Variants in GNB4 observed in about 807,000 individuals in gnomAD.
GNB4 encodes G protein subunit beta 4.
A neutral mutation model predicts 45.2 loss-of-function variants in GNB4; 28 were observed. That is an observed-to-expected ratio of 0.62 (90% CI 0.46 to 0.85). GNB4 has a LOEUF of 0.85. GNB4 is among the 40% of genes least tolerant of loss of function. The pLI is 0.00. For missense variants in GNB4, 321 were observed against 425.4 expected (o/e 0.75, Z 2.16); for synonymous variants, 132 against 143.7 (o/e 0.92, Z 0.58).
At position 179,415,057 on chromosome 3, in the gene GNB4, ACACAC is replaced by A. The variant is rs1359084345; in HGVS notation, c.268-15_268-11del. On this transcript the variant is annotated splice_polypyrimidine_tract_variant and intron_variant, in intron 5 of 9. Transcript: ENST00000232564. ...AAGGAATAGCATGCATCTGTAGGGC[ACACAC>A]CACACATCACTCAGATTACAAAAAC... is the stretch of plus-strand genomic sequence containing the variant. 2.6e-6 allele frequency: 4 copies of A among 1,553,116 alleles called. No individual in the cohort carries two copies. In the African/African-American group the frequency reaches 4.0e-5, roughly 16 times the overall value.
In GNB4 at chr3:179,400,184, A is replaced by G. The variant is rs1714244916; in HGVS notation, c.*1029T>C. On this transcript the variant is annotated 3_prime_UTR_variant, in exon 10 of 10. Transcript: ENST00000232564. ...GCACAGATATTTCACATCAATTCAG[A>G]TTTTATAGTATGCAAACATGAAATA... 6.6e-6 allele frequency: 1 copy of G among 152,218 alleles called. No individual in the cohort carries two copies. Among genetic ancestry groups the G allele is most frequent in the Non-Finnish European group, 1.5e-5 (1 of 68,038 alleles). The allele number at this position is 152,218 out of a possible 1,614,324, so 9.4% of individuals were successfully genotyped here.
rs1715872086 is a variant in GNB4, at chr3:179,451,439, A to G, written c.-136T>C. Reference sequence around the variant, plus strand: ...AGCGCGGAGCCGGCGTGGAGAGCGCAGCTCACAGCCGAGACCAGAGCCGCC... The same window carrying G: ...AGCGCGGAGCCGGCGTGGAGAGCGCGGCTCACAGCCGAGACCAGAGCCGCC... On this transcript the variant is annotated 5_prime_UTR_variant, in exon 1 of 10. Transcript: ENST00000232564. 6.6e-6 allele frequency: 1 copy of G among 151,010 alleles called. No homozygotes were observed. The highest frequency in any genetic ancestry group is 2.4e-5 in the African/African-American group (1 of 41,284). 9.4% of individuals were successfully genotyped at this position (151,010 alleles called of 1,614,324 possible).
chr3:179,435,823 C>T (rs1018436020), intron 1 of GNB4, among the ~76,000 whole-genome samples: 12 of 152,162 alleles, frequency 7.9e-5, no homozygotes, highest in African/African-American at 2.7e-4. Context: ...TCAAAAGATA[C>T]TAATGAGCCA....
At chr3:179,429,829 G>A (rs1251052553) in intron 1 of GNB4, among the ~76,000 whole-genome samples, 1 of 152,150 alleles carries the variant, frequency 6.6e-6, no homozygotes, top group Non-Finnish European at 1.5e-5. Flanking sequence ...TGGCAACCCT[G>A]CACAGCTTTG....
intron 1 of GNB4, among the ~76,000 whole-genome samples, chr3:179,440,579 T>C (rs144556543): frequency 1.6e-4 from 25 of 152,306 alleles, no homozygotes; most frequent in African/African-American, 5.5e-4. Flanking sequence ...TCAGTCGATA[T>C]AGGCACAAAT....
intron 1 of GNB4, among the ~76,000 whole-genome samples, chr3:179,438,495 T>C (rs1715517561): frequency 6.6e-6 from 1 of 152,164 alleles, no homozygotes; most frequent in African/African-American, 2.4e-5. Context: ...GCAAGGGAAA[T>C]ATATGAAGAA....
upstream of GNB4, among the ~76,000 whole-genome samples, chr3:179,455,895 C>G (rs1715969193): frequency 6.6e-6 from 1 of 152,122 alleles, no homozygotes; most frequent in South Asian, 2.1e-4. Context: ...GGTGTGTGGG[C>G]AGAAACTTCA....
At chr3:179,414,471 T>A (rs893222413) in intron 6 of GNB4, among the ~76,000 whole-genome samples, 1 of 152,186 alleles carries the variant, frequency 6.6e-6, no homozygotes. Flanking sequence ...TGAACTATGA[T>A]GGGCACACTG....
the GNB4 span, among the ~76,000 whole-genome samples, chr3:179,491,607 C>T: frequency 4.1e-4 from 62 of 152,322 alleles, no homozygotes; most frequent in East Asian, 1.4e-3. Context: ...GGACCCCAAG[C>T]TGACTGAAGC....
the GNB4 span, among the ~76,000 whole-genome samples, chr3:179,480,821 A>G: frequency 6.6e-6 from 1 of 150,382 alleles, no homozygotes. Flanking sequence ...AATAATTAGG[A>G]CTCAATGCAA....
At chr3:179,410,795 CAG>C (rs764784564) in intron 8 of GNB4, among the ~76,000 whole-genome samples, 1 of 152,064 alleles carries the variant, frequency 6.6e-6, no homozygotes, top group African/African-American at 2.4e-5. Flanking sequence ...AAAAGTAAAA[CAG>C]AAATTACCAA....
At chr3:179,492,786 A>G in the GNB4 span, among the ~76,000 whole-genome samples, 1 of 152,184 alleles carries the variant, frequency 6.6e-6, no homozygotes, top group African/African-American at 2.4e-5. Context: ...ACCTGATGTC[A>G]AGAAAGATCC....
In GNB4 at chr3:179,405,226, A is replaced by G. The variant is rs1714428926; in HGVS notation, c.880T>C (p.Cys294Arg). The G allele has an allele frequency of 6.2e-7, 1 of 1,614,152 alleles. No individual in the cohort carries two copies. Among genetic ancestry groups the G allele is most frequent in the East Asian group, 2.2e-5 (1 of 44,892 alleles). ...CCTTTTAGCGTGTCCCATACATTAC[A>G]ATTAAAGTCATCGTAACCAGCCAAC... is the stretch of plus-strand genomic sequence containing the variant. Reference protein sequence around the residue: ...LLLAGYDDFNCNVWDTLKGDR... With the variant: ...LLLAGYDDFNRNVWDTLKGDR... Residue 294 changes from cysteine (C) to arginine (R), a missense_variant, in exon 9 of 10, where the codon TGT (cysteine) becomes CGT (arginine). By Grantham distance (180) the Cys-to-Arg change is radical (BLOSUM62 -3). Coordinates refer to ENST00000232564, the MANE Select transcript of GNB4 (RefSeq NM_021629.4).
chr3:179,425,110 G>A (rs771205979), intron 2 of GNB4, among the ~76,000 whole-genome samples: 8 of 152,154 alleles, frequency 5.3e-5, no homozygotes, highest in Non-Finnish European at 1.0e-4. Context: ...CCTCCACCCT[G>A]CTTACCGCCA....
intron 3 of GNB4, 28 bp from the exon 4 acceptor site, chr3:179,419,533 T>C (rs750617657): frequency 1.1e-5 from 14 of 1,317,294 alleles, no homozygotes; most frequent in Non-Finnish European, 1.4e-5. Flanking sequence ...AATGTTATTC[T>C]TTACCTTAAT....
the GNB4 span, among the ~76,000 whole-genome samples, chr3:179,521,139 C>T: frequency 3.3e-5 from 5 of 152,282 alleles, no homozygotes; most frequent in Middle Eastern, 3.4e-3. Context: ...TCTTGGTAGA[C>T]ACAGGGTCTA....
intron 6 of GNB4, among the ~76,000 whole-genome samples, chr3:179,414,514 G>C (rs905791094): frequency 6.6e-6 from 1 of 152,138 alleles, no homozygotes; most frequent in Non-Finnish European, 1.5e-5. Context: ...ATGGTGAAAA[G>C]CACTTCACTA....
At chr3:179,482,301 A>G in the GNB4 span, among the ~76,000 whole-genome samples, 10 of 152,328 alleles carry the variant, frequency 6.6e-5, no homozygotes, top group East Asian at 1.9e-3. Context: ...AGATCCTTAG[A>G]GAGGGAAGAT....
At chr3:179,527,000 C>G in the GNB4 span, among the ~76,000 whole-genome samples, 8 of 152,156 alleles carry the variant, frequency 5.3e-5, no homozygotes, top group Non-Finnish European at 1.2e-4. Context: ...AACTGCTCCC[C>G]AACCCCAGGA....
Sources: allele counts gnomAD v4.1 joint callset (sites outside exome capture counted in the v4.1 genomes callset), GRCh38; gene constraint gnomAD v4.1.1; transcripts MANE v1.5; gene names NCBI Gene and HGNC (gene_info 2026-07-23, HGNC 2026-07-21).